Variants in DLG1 observed in about 807,000 individuals in gnomAD.
The protein encoded by DLG1 is disks large homolog 1.
A neutral mutation model predicts 123.4 loss-of-function variants in DLG1; 42 were observed. The ratio of observed to expected loss-of-function variants is 0.34; its 90% CI spans 0.27 to 0.44. The LOEUF (loss-of-function observed/expected upper bound fraction) is 0.44. Ranked by LOEUF, DLG1 falls within the 20% of genes least tolerant of loss-of-function variation. DLG1 has a pLI of 1.00. For missense variants in DLG1, 942 were observed against 1,082.6 expected (o/e 0.87, Z 1.82); for synonymous variants, 317 against 356.2 (o/e 0.89, Z 1.24).
intron 4 of DLG1, among the ~76,000 whole-genome samples, chr3:197,214,392 G>T (rs1732908713): frequency 6.6e-6 from 1 of 152,068 alleles, no homozygotes. Flanking sequence ...CGCTAACACG[G>T]TGAAACCCCG....
intron 4 of DLG1, among the ~76,000 whole-genome samples, chr3:197,225,333 A>G (rs573472668): frequency 2.0e-5 from 3 of 152,342 alleles, no homozygotes; most frequent in African/African-American, 7.2e-5. Flanking sequence ...TATATAGAAC[A>G]CATTACTAAA....
intron 6 of DLG1, among the ~76,000 whole-genome samples, chr3:197,146,806 A>C (rs1295393095): frequency 6.6e-6 from 1 of 152,256 alleles, no homozygotes; most frequent in Non-Finnish European, 1.5e-5. Context: ...ATGGGATTTA[A>C]TTAAACTAAG....
At chr3:197,059,712 A>T (rs1417566820) in intron 23 of DLG1, among the ~76,000 whole-genome samples, 177 bp downstream of exon 23, 3 of 151,286 alleles carry the variant, frequency 2.0e-5, no homozygotes, top group African/African-American at 7.3e-5. Context: ...TGATGATTAC[A>T]ATGACAATTT....
chr3:197,147,121 C>A (rs780374312), intron 6 of DLG1, among the ~76,000 whole-genome samples: 1 of 151,490 alleles, frequency 6.6e-6, no homozygotes, highest in Admixed American at 6.6e-5. Flanking sequence ...GAATGGTCAT[C>A]ATAAAAAAAT....
At chr3:197,076,381 ATGTT>A (rs1747291798) in intron 18 of DLG1, among the ~76,000 whole-genome samples, 1 of 152,210 alleles carries the variant, frequency 6.6e-6, no homozygotes, top group Non-Finnish European at 1.5e-5. Context: ...CTGAAAAATA[ATGTT>A]TGCTTTAAAT....
At chr3:197,287,302 T>C (rs6779689) in intron 3 of DLG1, among the ~76,000 whole-genome samples, 36,939 of 152,168 alleles carry the variant, frequency 0.24, 5,670 homozygotes, top group East Asian at 0.71. Flanking sequence ...AATAAACTTA[T>C]ATTAAAAGGC....
chr3:197,142,730 G>C lies in DLG1; in HGVS notation c.576C>G (p.Ile192Met). The C allele has an allele frequency of 1.2e-6, 2 of 1,607,456 alleles. No individual in the cohort carries two copies. Among genetic ancestry groups the C allele is most frequent in the Non-Finnish European group, 1.7e-6 (2 of 1,177,236 alleles). The stretch of plus-strand genomic sequence containing the variant: ...TAATAGTTTTTACCCTTTCAAGTGT[G>C]ATTTCTTCATATTCATAATCTGCAT... ...GTDADYEYEEITLERGNSGLG... is the reference protein window; with the variant it reads ...GTDADYEYEEMTLERGNSGLG... Residue 192 changes from isoleucine to methionine, a missense_variant, in exon 7 of 25, where the codon ATC becomes ATG. Coordinates refer to ENST00000667157, the MANE Select transcript of DLG1 (RefSeq NM_001366207.1).
rs1381381266 is a variant in DLG1 at position 197,043,874 on chromosome 3, T to G, written c.*749A>C. 1 of 152,162 alleles carries G rather than the reference T, an allele frequency of 6.6e-6. No individual in the cohort carries two copies. The highest frequency in any genetic ancestry group is 1.5e-5 in the Non-Finnish European group (1 of 68,028). 9.4% of individuals were successfully genotyped at this position (152,162 alleles called of 1,614,324 possible). ...TCTTCTGTGTAAAAGGCGAACTTCCTTAGCACCTGAACATGGCCTCAATTC... is the reference window on the plus strand; with the variant it reads ...TCTTCTGTGTAAAAGGCGAACTTCCGTAGCACCTGAACATGGCCTCAATTC... On this transcript the variant is annotated 3_prime_UTR_variant, in exon 25 of 25. Transcript: ENST00000667157.
chr3:197,264,834 A>G (rs2150989887), intron 4 of DLG1, among the ~76,000 whole-genome samples: 1 of 152,340 alleles, frequency 6.6e-6, no homozygotes, highest in East Asian at 1.9e-4. Flanking sequence ...GGTCCCAAGT[A>G]TTTTGGATAA....
At position 197,138,293 on chromosome 3, in the gene DLG1, C is replaced by T. The variant is rs768801019; in HGVS notation, c.812G>A (p.Arg271His). The change falls in exon 9 of 25, where the codon CGC becomes CAC. Residue 271 changes from arginine to histidine, a missense_variant. Transcript: ENST00000667157. Reference sequence around the variant, plus strand: ...TGGTTTCCTTCTTTTTACATACAAGCGTACAATAGACCCTGCTTCTTTCAA... The same window carrying T: ...TGGTTTCCTTCTTTTTACATACAAGTGTACAATAGACCCTGCTTCTTTCAA... The part of the protein sequence containing the change: ...EALKEAGSIV[R>H]LYVKRRKPVS... 1.6e-5 allele frequency: 25 copies of T among 1,603,364 alleles called. No homozygotes were observed. The highest frequency in any genetic ancestry group is 2.0e-5 in the Non-Finnish European group (23 of 1,172,932).
At chr3:197,234,541 T>C (rs1377916228) in intron 4 of DLG1, among the ~76,000 whole-genome samples, 2 of 152,188 alleles carry the variant, frequency 1.3e-5, no homozygotes, top group Non-Finnish European at 2.9e-5. Context: ...CATTATAATA[T>C]GGACAGACAA....
intron 24 of DLG1, among the ~76,000 whole-genome samples, chr3:197,045,659 T>G (rs1313550798): frequency 1.3e-5 from 2 of 152,094 alleles, no homozygotes; most frequent in Admixed American, 1.3e-4. Flanking sequence ...GAGGATGATC[T>G]CTTGAGCCCA....
intron 10 of DLG1, among the ~76,000 whole-genome samples, chr3:197,133,531 C>G (rs577360718): frequency 5.1e-4 from 77 of 152,300 alleles, no homozygotes; most frequent in Admixed American, 1.4e-3. Flanking sequence ...ATACCTGACA[C>G]AAGAGCTGAC....
intron 5 of DLG1, among the ~76,000 whole-genome samples, chr3:197,150,884 A>C (rs1245570593): frequency 6.6e-6 from 1 of 152,124 alleles, no homozygotes; most frequent in African/African-American, 2.4e-5. Context: ...CATTTGGGCT[A>C]CATCAAGCAG....
At chr3:197,221,272 C>T (rs563815412) in intron 4 of DLG1, among the ~76,000 whole-genome samples, 1 of 152,250 alleles carries the variant, frequency 6.6e-6, no homozygotes, top group African/African-American at 2.4e-5. Context: ...AATCCCAGCA[C>T]TTTGAGAGAA....
chr3:197,273,849 C>CAAAAAAAAAAAAAAAA (rs58880007), intron 4 of DLG1, among the ~76,000 whole-genome samples: 14 of 48,674 alleles, frequency 2.9e-4, no homozygotes, highest in African/African-American at 8.2e-4. Flanking sequence ...TAATAGCTAC[C>CAAAAAAAAAAAAAAAA]AAAAAAAAAA....
chr3:197,264,063 T>C (rs1760680554), intron 4 of DLG1, among the ~76,000 whole-genome samples: 1 of 152,234 alleles, frequency 6.6e-6, no homozygotes, highest in Non-Finnish European at 1.5e-5. Flanking sequence ...TCAGTTAACA[T>C]ATAATTACTT....
chr3:197,195,439 G>A (rs1265788906), intron 4 of DLG1, among the ~76,000 whole-genome samples: 1 of 152,124 alleles, frequency 6.6e-6, no homozygotes, highest in East Asian at 1.9e-4. Flanking sequence ...CATGTTCACT[G>A]CAGAGCGATT....
chr3:197,154,606 C>T (rs532868825), intron 5 of DLG1, among the ~76,000 whole-genome samples: 160 of 151,076 alleles, frequency 1.1e-3, no homozygotes, highest in African/African-American at 3.6e-3. Context: ...ACCCGGGAGG[C>T]GGAGCTTGCA....
Sources: gnomAD v4.1 joint callset for allele counts (sites outside exome capture counted in the v4.1 genomes callset) on GRCh38, gnomAD v4.1.1 for gene constraint, MANE v1.5 for transcripts, NCBI Gene and HGNC (gene_info 2026-07-23, HGNC 2026-07-21) for gene names.